Variants in ZNF729 observed in about 807,000 individuals in gnomAD.
ZNF729 encodes zinc finger protein 729.
A neutral mutation model predicts 12.2 loss-of-function variants in ZNF729; 15 were observed. That is an observed-to-expected ratio of 1.23 (90% confidence interval 0.82 to 1.89). ZNF729 has a LOEUF of 1.89. Among genes scored for constraint, ZNF729 ranks in the 40% most tolerant of loss-of-function variants. The probability of loss-of-function intolerance (pLI) is 0.00; values close to 1 mark genes in which losing one functional copy is unlikely to be tolerated. For synonymous variants in ZNF729, 492 were observed against 476.3 expected (o/e 1.03, Z -0.43); for missense variants, 1,540 against 1,456.7 (o/e 1.06, Z -0.93).
At chr19:22,288,749 G>T (rs1968113888) in intron 1 of ZNF729, among the ~76,000 whole-genome samples, 1 of 151,956 alleles carries the variant, frequency 6.6e-6, no homozygotes, top group South Asian at 2.1e-4. Context: ...GCGGGAAAAA[G>T]CATTGAAATA....
intron 3 of ZNF729, among the ~76,000 whole-genome samples, chr19:22,306,676 ATC>A (rs1968382089): frequency 6.6e-6 from 1 of 151,518 alleles, no homozygotes; most frequent in East Asian, 1.9e-4. Context: ...GTATGTTTTA[ATC>A]TCATAACAAT....
In ZNF729 at chr19:22,317,050, C is replaced by A; in HGVS notation, c.3633C>A (p.Thr1211=). The change falls in exon 4 of 4, where the codon ACC becomes ACA. Residue 1211 remains threonine (T), a synonymous_variant. Coordinates refer to ENST00000601693, the MANE Select transcript of ZNF729 (RefSeq NM_001242680.2). ...TTATTAGACATAAAACAATTCATAC[C>A]AGAGAGAAACCTACAAATGTGAAGA... is the stretch of plus-strand genomic sequence containing the variant. The part of the protein sequence containing the change: ...SYLIRHKTIH[T]REKPTNVKKV... The A allele has an allele frequency of 6.2e-7, 1 of 1,606,986 alleles. No homozygotes were observed. Among genetic ancestry groups the A allele is most frequent in the Non-Finnish European group, 8.5e-7 (1 of 1,178,068 alleles).
intron 3 of ZNF729, among the ~76,000 whole-genome samples, chr19:22,307,798 GTGTTTT>G (rs1404463580): frequency 3.9e-5 from 3 of 76,920 alleles, no homozygotes; most frequent in African/African-American, 1.9e-4. Flanking sequence ...GGAAAGCTCT[GTGTTTT>G]TTTTTTTTTT....
At chr19:22,293,518 G>GTTTT (rs1256692990) in intron 1 of ZNF729, among the ~76,000 whole-genome samples, 1 of 28,472 alleles carries the variant, frequency 3.5e-5, no homozygotes, top group African/African-American at 1.4e-4. Context: ...TTTTGAGACA[G>GTTTT]TTTCGCTCTT....
intron 3 of ZNF729, among the ~76,000 whole-genome samples, chr19:22,306,929 A>T (rs191110929): frequency 5.8e-4 from 88 of 151,526 alleles, no homozygotes; most frequent in Admixed American, 1.5e-3. Flanking sequence ...AACATGAAAG[A>T]CTCATTTTAG....
intron 3 of ZNF729, among the ~76,000 whole-genome samples, chr19:22,311,235 G>T (rs1196278135): frequency 4.6e-5 from 7 of 151,640 alleles, no homozygotes; most frequent in African/African-American, 1.5e-4. Context: ...CTTCTCCTGG[G>T]TTTGCGTTTG....
At position 22,310,172 on chromosome 19, in the gene ZNF729, C is replaced by G. The variant is rs10403604; in HGVS notation, c.254-3499C>G. ...TCATCAGCAAACAGTGACAGTTTTA[C>G]TTCCTCTTTACCAATTTCGATGCCC... is the stretch of plus-strand genomic sequence containing the variant. On this transcript the variant is annotated intron_variant, in intron 3 of 3. Coordinates refer to ENST00000601693, the MANE Select transcript of ZNF729 (RefSeq NM_001242680.2). 9.2e-5 allele frequency among the ~76,000 whole-genome samples: 14 copies of G among 152,174 alleles called. 1 individual carries two copies. The East Asian group carries it at 2.7e-3, about 30-fold the overall frequency.
intron 3 of ZNF729, among the ~76,000 whole-genome samples, chr19:22,312,164 GT>G (rs1968458263): frequency 6.6e-6 from 1 of 151,814 alleles, no homozygotes; most frequent in South Asian, 2.1e-4. Flanking sequence ...CTCTCATTCA[GT>G]GTTATTTAAT....
chr19:22,317,042 A>G lies in ZNF729; in HGVS notation c.3625A>G (p.Ile1209Val), dbSNP rs756018653. 5.0e-6 allele frequency: 8 copies of G among 1,609,550 alleles called. No homozygotes were observed. The highest frequency in any genetic ancestry group is 5.9e-6 in the Non-Finnish European group (7 of 1,179,144). ...QCSYLIRHKT[I>V]HTREKPTNVK... is the part of the protein sequence containing the mutation. ...CTCATACCTTATTAGACATAAAACA[A>G]TTCATACCAGAGAGAAACCTACAAA... Residue 1209 changes from isoleucine to valine, a missense_variant, in exon 4 of 4, where the codon ATT becomes GTT. Physicochemically the swap from Ile to Val is conservative, Grantham distance 29. Coordinates refer to ENST00000601693, the MANE Select transcript of ZNF729 (RefSeq NM_001242680.2).
rs1599759570 is a variant in ZNF729, at chr19:22,315,102, A to G, written c.1685A>G (p.His562Arg). 11 of 1,611,024 alleles carry G rather than the reference A, an allele frequency of 6.8e-6. 1 individual carries two copies. Among genetic ancestry groups the G allele is most frequent in the Non-Finnish European group, 8.5e-6 (10 of 1,179,612 alleles). Residue 562 changes from histidine to arginine, a missense_variant, in exon 4 of 4, where the codon CAT becomes CGT. His to Arg is a conservative substitution (Grantham distance 29). Transcript: ENST00000601693. ...AFKWSSKLTV[H>R]KVIHTGEKPC... is the part of the protein sequence containing the mutation. ...AAGTGGTCATCAAAACTTACTGTACATAAGGTAATTCATACTGGAGAGAAA... is the reference window on the plus strand; with the variant it reads ...AAGTGGTCATCAAAACTTACTGTACGTAAGGTAATTCATACTGGAGAGAAA...
At chr19:22,313,540 G>A in intron 3 of ZNF729, 131 bp from the exon 4 acceptor site, 2 of 775,814 alleles carry the variant, frequency 2.6e-6, no homozygotes, top group East Asian at 3.0e-5. Context: ...ATATGTCTAT[G>A]AAGAAATTAG....
At chr19:22,304,432 T>C (rs1324482677) in intron 2 of ZNF729, among the ~76,000 whole-genome samples, 1 of 152,196 alleles carries the variant, frequency 6.6e-6, no homozygotes, top group Non-Finnish European at 1.5e-5. Context: ...TGGAAATTGC[T>C]GAAATTGAGT....
At chr19:22,303,989 C>A in intron 2 of ZNF729, 105 bp downstream of exon 2, 4 of 1,122,716 alleles carry the variant, frequency 3.6e-6, no homozygotes, top group East Asian at 3.8e-5. Context: ...AAATGAGTTT[C>A]ACATCCCTGT....
At chr19:22,287,668 CTG>C (rs1247425428) in intron 1 of ZNF729, among the ~76,000 whole-genome samples, 1 of 128,884 alleles carries the variant, frequency 7.8e-6, no homozygotes, top group African/African-American at 2.8e-5. Context: ...CCTCGGAGGA[CTG>C]ATTTTTTTTT....
At chr19:22,298,035 C>T (rs147705885) in intron 1 of ZNF729, among the ~76,000 whole-genome samples, 3,476 of 125,658 alleles carry the variant, frequency 0.028, 146 homozygotes, top group African/African-American at 0.098. Flanking sequence ...AAACACAAAA[C>T]ATTGAGCACA....
At chr19:22,301,841 T>C (rs541793465) in intron 1 of ZNF729, among the ~76,000 whole-genome samples, 845 of 152,108 alleles carry the variant, frequency 5.6e-3, no homozygotes, top group Admixed American at 0.049. Flanking sequence ...AGTAGAGTAT[T>C]GTTATTTCTC....
At position 22,315,359 on chromosome 19, in the gene ZNF729, G is replaced by A; in HGVS notation, c.1942G>A (p.Ala648Thr). 1 of 1,612,452 alleles carries A rather than the reference G, an allele frequency of 6.2e-7. No homozygotes were observed. Among genetic ancestry groups the A allele is most frequent in the Non-Finnish European group, 8.5e-7 (1 of 1,179,528 alleles). ...ATCCTCACACCTTACTAGACATAAA[G>A]CAATTCATACTGGAGAGAAACCTTA... The part of the protein sequence containing the change: ...RQSSHLTRHK[A>T]IHTGEKPYKC... The change falls in exon 4 of 4, where the codon GCA (alanine) becomes ACA (threonine). Residue 648 changes from alanine (A) to threonine (T), a missense_variant. Transcript: ENST00000601693.
intron 1 of ZNF729, among the ~76,000 whole-genome samples, chr19:22,289,921 TTTA>T (rs1181921755): frequency 6.6e-6 from 1 of 152,198 alleles, no homozygotes; most frequent in African/African-American, 2.4e-5. Context: ...TAAAATAATA[TTTA>T]TTGTCTGAAA....
In ZNF729 at chr19:22,315,357, A is replaced by G. The variant is rs1282754369; in HGVS notation, c.1940A>G (p.Lys647Arg). The change falls in exon 4 of 4, where the codon AAA becomes AGA. Residue 647 changes from lysine to arginine, a missense_variant. Physicochemically the swap from Lys to Arg is conservative, Grantham distance 26. Coordinates refer to ENST00000601693, the MANE Select transcript of ZNF729 (RefSeq NM_001242680.2). Reference protein sequence around the residue: ...FRQSSHLTRHKAIHTGEKPYK... With the variant: ...FRQSSHLTRHRAIHTGEKPYK... The stretch of plus-strand genomic sequence containing the variant: ...CAATCCTCACACCTTACTAGACATA[A>G]AGCAATTCATACTGGAGAGAAACCT... 6.2e-7 allele frequency: 1 copy of G among 1,613,568 alleles called. No homozygotes were observed. The highest frequency in any genetic ancestry group is 8.5e-7 in the Non-Finnish European group (1 of 1,179,792).
Sources: allele counts gnomAD v4.1 joint callset (sites outside exome capture counted in the v4.1 genomes callset), GRCh38; gene constraint gnomAD v4.1.1; transcripts MANE v1.5; gene names NCBI Gene and HGNC (gene_info 2026-07-23, HGNC 2026-07-21).